The following PEX11A variants were observed in gnomAD, a reference collection of about 807,000 sequenced individuals.
The protein encoded by PEX11A is peroxisomal membrane protein 11A.
PEX11A carries 13 observed loss-of-function variants against 14.4 expected under a neutral mutation model. The ratio of observed to expected loss-of-function variants is 0.90; its 90% CI spans 0.59 to 1.43. The LOEUF (loss-of-function observed/expected upper bound fraction) is 1.43. PEX11A is among the 40% of genes most tolerant of loss of function. The probability of loss-of-function intolerance (pLI) is 0.00; values close to 1 mark genes in which losing one functional copy is unlikely to be tolerated. For synonymous variants in PEX11A, 101 were observed against 113.0 expected, an observed-to-expected ratio of 0.89 and a Z score of 0.67; for missense variants, 290 against 302.8, an observed-to-expected ratio of 0.96 and a Z score of 0.31.
At chr15:89,684,089 G>A in intron 2 of PEX11A, 141 bp from the exon 3 acceptor site, 2 of 620,512 alleles carry the variant, frequency 3.2e-6, no homozygotes, top group Non-Finnish European at 5.6e-6. Context: ...CGGCTGGAGT[G>A]CAGCGGCACC....
chr15:89,688,323 G>T, intron 1 of PEX11A: 4 of 311,932 alleles, frequency 1.3e-5, no homozygotes, highest in Admixed American at 3.8e-5. Context: ...AGGTTATACA[G>T]ATCATCAAGG....
intron 1 of PEX11A, chr15:89,688,159 A>C: frequency 1.9e-6 from 1 of 539,574 alleles, no homozygotes; most frequent in Non-Finnish European, 3.6e-6. Flanking sequence ...CATACAGAGA[A>C]TCCTTGCTCT....
chr15:89,685,925 T>G (rs1964669506), intron 2 of PEX11A, among the ~76,000 whole-genome samples: 1 of 152,224 alleles, frequency 6.6e-6, no homozygotes, highest in Non-Finnish European at 1.5e-5. Context: ...ATTATTAAAG[T>G]AAATTTAATA....
rs1204881465 is a variant in PEX11A, at chr15:89,686,497, C to G, written c.106G>C (p.Ala36Pro). The change falls in exon 2 of 3, where the codon GCT becomes CCT. Residue 36 changes from alanine (A) to proline (P), a missense_variant. Transcript: ENST00000300056. The part of the protein sequence containing the change: ...MLLRYLLEPK[A>P]GKEKVVMKLK... ...TTCATTACCACCTTCTCTTTGCCAG[C>G]TTTGGGCTCTAACAAATATCTAAGC... The G allele has an allele frequency of 1.2e-6, 2 of 1,607,916 alleles. No individual in the cohort carries two copies. Among genetic ancestry groups the G allele is most frequent in the Non-Finnish European group, 1.7e-6 (2 of 1,174,466 alleles).
In PEX11A at chr15:89,682,235, G is replaced by A. The variant is rs1252898253; in HGVS notation, c.*1142C>T. On this transcript the variant is annotated 3_prime_UTR_variant, in exon 3 of 3. Transcript: ENST00000300056. ...CTTGCTCTATCACCCGGGCTGGAGT[G>A]CGGTGGAAGCTCACTGCAGCCTTGA... is the stretch of plus-strand genomic sequence containing the variant. 1 of 152,142 alleles carries A rather than the reference G, an allele frequency of 6.6e-6. No homozygotes were observed. Among genetic ancestry groups the A allele is most frequent in the Non-Finnish European group, 1.5e-5 (1 of 68,080 alleles). The allele number at this position is 152,142 out of a possible 1,614,324, so 9.4% of individuals were successfully genotyped here.
intron 1 of PEX11A, among the ~76,000 whole-genome samples, chr15:89,687,655 T>C (rs1439541253): frequency 6.6e-6 from 1 of 152,206 alleles, no homozygotes; most frequent in African/African-American, 2.4e-5. Flanking sequence ...TAAATATTAT[T>C]CTCAATAAAA....
intron 1 of PEX11A, 93 bp from the exon 2 acceptor site, chr15:89,686,639 G>A: frequency 1.5e-6 from 1 of 661,966 alleles, no homozygotes; most frequent in Non-Finnish European, 2.7e-6. Context: ...CATGCCTCCA[G>A]ACAACATTTC....
chr15:89,683,753 G>C lies in PEX11A; in HGVS notation c.368C>G (p.Ala123Gly), dbSNP rs1964634492. The change falls in exon 3 of 3, where the codon GCT (alanine) becomes GGT (glycine). Residue 123 changes from alanine to glycine, a missense_variant. By Grantham distance (60) the Ala-to-Gly change is moderately conservative. Coordinates refer to ENST00000300056, the MANE Select transcript of PEX11A (RefSeq NM_003847.3). ...AAGAGAATAGTAGTAGTGGTGAGCA[G>C]CCCTCGTTCGCCATTTCTCTTTGTT... is the stretch of plus-strand genomic sequence containing the variant. ...GINKEKWRTR[A>G]AHHYYYSLLL... 1 of 1,614,044 alleles carries C rather than the reference G, an allele frequency of 6.2e-7. No homozygotes were observed. The highest frequency in any genetic ancestry group is 1.3e-5 in the African/African-American group (1 of 75,056).
chr15:89,682,719 T>C lies in PEX11A; in HGVS notation c.*658A>G, dbSNP rs954647556. On this transcript the variant is annotated 3_prime_UTR_variant, in exon 3 of 3. Transcript: ENST00000300056. ...GTCACAGGCTACATATAGGCACCCA[T>C]TGTGACCCTGTACCTATTTTTATAA... is the stretch of plus-strand genomic sequence containing the variant. 4.6e-5 allele frequency: 7 copies of C among 152,316 alleles called. No individual in the cohort carries two copies. Among genetic ancestry groups the C allele is most frequent in the Admixed American group, 1.3e-4 (2 of 15,278 alleles). 9.4% of individuals were successfully genotyped at this position (152,316 alleles called of 1,614,324 possible).
intron 1 of PEX11A, among the ~76,000 whole-genome samples, chr15:89,689,011 G>A (rs1294476339): frequency 1.3e-5 from 2 of 152,166 alleles, no homozygotes; most frequent in African/African-American, 4.8e-5. Context: ...ACTGCACCCG[G>A]CCTAAATGAT....
At position 89,688,433 on chromosome 15, in the gene PEX11A, C is replaced by T. The variant is rs187830050; in HGVS notation, c.57-1887G>A. On this transcript the variant is annotated intron_variant, in intron 1 of 2. Transcript: ENST00000300056. ...TTCGAGACAGAGTCTCGCTCTGTTG[C>T]CCAGGCTGGAGGGTAGTGGTGCGTT... Among the ~76,000 whole-genome samples, 1,101 of 152,258 alleles carry T rather than the reference C, an allele frequency of 7.2e-3. 13 individuals carry two copies. Among genetic ancestry groups the T allele is most frequent in the African/African-American group, 0.025 (1,058 of 41,540 alleles).
intron 1 of PEX11A, among the ~76,000 whole-genome samples, chr15:89,690,331 C>G (rs1370453800): frequency 2.0e-5 from 3 of 152,200 alleles, no homozygotes; most frequent in African/African-American, 7.2e-5. Flanking sequence ...CTCGAGGCGG[C>G]TAGGGTGCCA....
At chr15:89,686,976 G>A (rs755663997) in intron 1 of PEX11A, among the ~76,000 whole-genome samples, 3 of 151,780 alleles carry the variant, frequency 2.0e-5, no homozygotes, top group Admixed American at 6.6e-5. Context: ...AGGCTGGAGT[G>A]CTGTGGTGTG....
chr15:89,689,892 A>G (rs1037044567), intron 1 of PEX11A, among the ~76,000 whole-genome samples: 3 of 152,332 alleles, frequency 2.0e-5, no homozygotes, highest in Admixed American at 1.3e-4. Flanking sequence ...GCACTTTGGG[A>G]AGCCGAGGTG....
chr15:89,689,816 T>G (rs1056344646), intron 1 of PEX11A, among the ~76,000 whole-genome samples: 3 of 152,192 alleles, frequency 2.0e-5, no homozygotes, highest in African/African-American at 7.2e-5. Flanking sequence ...AGAGAACTTC[T>G]GTCTCTCCTC....
intron 1 of PEX11A, among the ~76,000 whole-genome samples, chr15:89,689,276 C>T (rs1397412654): frequency 6.6e-6 from 1 of 152,164 alleles, no homozygotes; most frequent in Non-Finnish European, 1.5e-5. Context: ...TCAGTTTCTC[C>T]ATCTGAAGTG....
In PEX11A at chr15:89,690,712, T is replaced by G. The variant is rs924392315; in HGVS notation, c.-80A>C. 1 of 1,054,550 alleles carries G rather than the reference T, an allele frequency of 9.5e-7. No homozygotes were observed. Among genetic ancestry groups the G allele is most frequent in the South Asian group, 1.4e-5 (1 of 73,462 alleles). The allele number at this position is 1,054,550 out of a possible 1,614,324, so 65.3% of individuals were successfully genotyped here. ...GGCCCGTCGGATCCCCAGGGAACGG[T>G]CAGTCCCAGGTTATCCGCTGAGGGG... On this transcript the variant is annotated 5_prime_UTR_variant, in exon 1 of 3. Transcript: ENST00000300056.
rs1964616195 is a variant in PEX11A, at chr15:89,682,675, C to G, written c.*702G>C. 6.6e-6 allele frequency: 1 copy of G among 152,214 alleles called. No homozygotes were observed. Among genetic ancestry groups the G allele is most frequent in the African/African-American group, 2.4e-5 (1 of 41,446 alleles). The allele number at this position is 152,214 out of a possible 1,614,324, so 9.4% of individuals were successfully genotyped here. ...TCTAGCCTCAGTTTTTTGTTTGTCT[C>G]ACTGTCAGCTTCTTATCTGTCACAG... is the stretch of plus-strand genomic sequence containing the variant. On this transcript the variant is annotated 3_prime_UTR_variant, in exon 3 of 3. Coordinates refer to ENST00000300056, the MANE Select transcript of PEX11A (RefSeq NM_003847.3).
At chr15:89,690,523 A>C in intron 1 of PEX11A, 54 bp downstream of exon 1, 1 of 1,380,464 alleles carries the variant, frequency 7.2e-7, no homozygotes, top group South Asian at 1.3e-5. Context: ...GGGAATAGGC[A>C]CGGGAGCCGA....
Sources: allele counts gnomAD v4.1 joint callset (sites outside exome capture counted in the v4.1 genomes callset), GRCh38; gene constraint gnomAD v4.1.1; transcripts MANE v1.5; gene names NCBI Gene and HGNC (gene_info 2026-07-23, HGNC 2026-07-21).